The following KIF20B variants were observed in gnomAD, a reference collection of about 807,000 sequenced individuals.
The protein encoded by KIF20B is kinesin-like protein KIF20B.
A neutral mutation model predicts 232.5 loss-of-function variants in KIF20B; 188 were observed. The observed-to-expected ratio is 0.81, with a 90% CI of 0.72 to 0.91. The LOEUF (loss-of-function observed/expected upper bound fraction) is 0.91, where lower values mean the gene tolerates loss of function less well. Ranked by LOEUF, KIF20B falls within the 40% of genes least tolerant of loss-of-function variation. The pLI, the probability that KIF20B is intolerant of heterozygous loss-of-function variation, is 0.00. For synonymous variants in KIF20B, 712 were observed against 683.0 expected (o/e 1.04, Z -0.66); for missense variants, 2,154 against 2,055.9 (o/e 1.05, Z -0.92).
intron 24 of KIF20B, 119 bp from the exon 25 acceptor site, chr10:89,752,448 T>G (rs1029962615): frequency 1.6e-6 from 1 of 633,366 alleles, no homozygotes; most frequent in Non-Finnish European, 2.5e-6. Context: ...AGTTCCATCT[T>G]GGTCTGTGTT....
chr10:89,768,973 T>C lies in KIF20B; in HGVS notation c.5242+85T>C. The stretch of plus-strand genomic sequence containing the variant: ...CTAATTGATATATAAACTCAACAGC[T>C]GTTCAGGGAATATTATACTTCAAAT... On this transcript the variant is annotated intron_variant, in intron 31 of 32. Coordinates refer to ENST00000371728, the MANE Select transcript of KIF20B (RefSeq NM_001284259.2). The C allele has an allele frequency of 3.6e-6, 4 of 1,104,084 alleles. No homozygotes were observed. The South Asian group carries it at 6.4e-5, about 18-fold the overall frequency. 68.4% of individuals were successfully genotyped at this position (1,104,084 alleles called of 1,614,324 possible).
intron 5 of KIF20B, among the ~76,000 whole-genome samples, 165 bp downstream of exon 5, chr10:89,710,230 T>TTTG (rs1842809417): frequency 6.9e-6 from 1 of 144,606 alleles, no homozygotes; most frequent in Non-Finnish European, 1.6e-5. Flanking sequence ...TTTTTTTTTT[T>TTTG]GGCGGGGGAG....
Position 89,768,734 on chromosome 10 carries a change from T to A in KIF20B, c.5092-4T>A. ...ACAATAACAAAAAATGTTTTGTTTA[T>A]TAGGTTGCCATACGTCCATCATCTA... On this transcript the variant is annotated splice_polypyrimidine_tract_variant and splice_region_variant and intron_variant, in intron 30 of 32. Coordinates refer to ENST00000371728, the MANE Select transcript of KIF20B (RefSeq NM_001284259.2). The A allele has an allele frequency of 6.3e-7, 1 of 1,579,924 alleles. No individual in the cohort carries two copies. Among genetic ancestry groups the A allele is most frequent in the East Asian group, 2.2e-5 (1 of 44,530 alleles).
At chr10:89,730,972 G>GGTA (rs199712028) in intron 18 of KIF20B, among the ~76,000 whole-genome samples, 7 of 152,078 alleles carry the variant, frequency 4.6e-5, no homozygotes, top group Non-Finnish European at 1.5e-5. Flanking sequence ...TTCGATTTAC[G>GGTA]GTAGTAGTAG....
At chr10:89,719,830 AT>A (rs1030609564) in intron 13 of KIF20B, 124 bp downstream of exon 13, 1 of 715,130 alleles carries the variant, frequency 1.4e-6, no homozygotes, top group African/African-American at 1.8e-5. Context: ...TCAACTTTAT[AT>A]TTTGAAAAAT....
intron 19 of KIF20B, 32 bp from the exon 20 acceptor site, chr10:89,737,355 C>T (rs1841679945): frequency 2.1e-6 from 3 of 1,430,334 alleles, no homozygotes; most frequent in Non-Finnish European, 9.2e-7. Context: ...TTAAGGTTTG[C>T]CAGATTAATA....
chr10:89,717,650 C>G lies in KIF20B; in HGVS notation c.1199C>G (p.Thr400Ser). 1.2e-6 allele frequency: 2 copies of G among 1,609,348 alleles called. No homozygotes were observed. The highest frequency in any genetic ancestry group is 1.7e-6 in the Non-Finnish European group (2 of 1,176,366). ...TQNEGERLRETGNINTSLLTL... is the reference protein window; with the variant it reads ...TQNEGERLRESGNINTSLLTL... ...AATGAAGGTGAAAGGTTAAGAGAGA[C>G]TGGGAATATCAACACTTCTTTATTG... is the stretch of plus-strand genomic sequence containing the variant. The change falls in exon 11 of 33, where the codon ACT becomes AGT. Residue 400 changes from threonine (T) to serine (S), a missense_variant. By Grantham distance (58) the Thr-to-Ser change is moderately conservative (BLOSUM62 1). Coordinates refer to ENST00000371728, the MANE Select transcript of KIF20B (RefSeq NM_001284259.2).
At chr10:89,769,143 G>A (rs1306657244) in intron 31 of KIF20B, among the ~76,000 whole-genome samples, 1 of 151,944 alleles carries the variant, frequency 6.6e-6, no homozygotes, top group Non-Finnish European at 1.5e-5. Flanking sequence ...AGGGGTATAA[G>A]CAAAGGTATG....
chr10:89,715,215 T>C (rs369817918), intron 8 of KIF20B, 33 bp downstream of exon 8: 1 of 1,359,436 alleles, frequency 7.4e-7, no homozygotes, highest in African/African-American at 1.5e-5. Flanking sequence ...CTTATTGCTC[T>C]GAAGTTCTCT....
At chr10:89,735,654 C>T (rs2133123837) in intron 19 of KIF20B, among the ~76,000 whole-genome samples, 2 of 150,188 alleles carry the variant, frequency 1.3e-5, no homozygotes, top group Middle Eastern at 3.4e-3. Flanking sequence ...TCTCCTGGCT[C>T]AGCCTCCCGA....
chr10:89,730,383 T>C (rs1486038713), intron 18 of KIF20B, among the ~76,000 whole-genome samples: 1 of 152,184 alleles, frequency 6.6e-6, no homozygotes, highest in African/African-American at 2.4e-5. Flanking sequence ...TAATAAAATC[T>C]ACTACCCTAA....
chr10:89,727,313 G>A (rs1317681601), intron 16 of KIF20B, among the ~76,000 whole-genome samples: 9 of 151,090 alleles, frequency 6.0e-5, no homozygotes, highest in Non-Finnish European at 7.4e-5. Flanking sequence ...GAGCGCAGAG[G>A]CATGATCATG....
chr10:89,720,808 C>T (rs12268754), intron 13 of KIF20B, among the ~76,000 whole-genome samples: 5,407 of 152,160 alleles, frequency 0.036, 317 homozygotes, highest in African/African-American at 0.12. Context: ...TGGGTTCAAG[C>T]GATTCTCCTG....
rs1384741968 is a variant in KIF20B, at chr10:89,737,859, G to C, written c.3018G>C (p.Leu1006Phe). ...TTTCTCAGATTTCAAACATAGATTTGCTCAATCTCAGGGATCTGTCAAATG... is the reference window on the plus strand; with the variant it reads ...TTTCTCAGATTTCAAACATAGATTTCCTCAATCTCAGGGATCTGTCAAATG... ...DSVSQISNID[L>F]LNLRDLSNGS... The change falls in exon 20 of 33, where the codon TTG becomes TTC. Residue 1006 changes from leucine to phenylalanine, a missense_variant. By Grantham distance (22) the Leu-to-Phe change is conservative. Transcript: ENST00000371728. The C allele has an allele frequency of 2.5e-6, 4 of 1,613,412 alleles. No homozygotes were observed. Among genetic ancestry groups the C allele is most frequent in the Middle Eastern group, 3.3e-4 (2 of 6,056 alleles).
At chr10:89,757,694 T>C (rs1842157014) in intron 26 of KIF20B, among the ~76,000 whole-genome samples, 1 of 152,034 alleles carries the variant, frequency 6.6e-6, no homozygotes, top group Non-Finnish European at 1.5e-5. Flanking sequence ...TCTTGATGTT[T>C]GTTTTAATGT....
intron 1 of KIF20B, among the ~76,000 whole-genome samples, chr10:89,704,191 C>A (rs1465667267): frequency 1.3e-5 from 2 of 152,190 alleles, no homozygotes; most frequent in East Asian, 3.9e-4. Context: ...TTATATAATA[C>A]CTGTGGGTGA....
intron 29 of KIF20B, among the ~76,000 whole-genome samples, chr10:89,763,473 A>G (rs977594042): frequency 1.1e-4 from 16 of 152,210 alleles, no homozygotes; most frequent in African/African-American, 3.6e-4. Context: ...AAAGAGGGTT[A>G]TGTAGAAATC....
chr10:89,746,008 C>T (rs372157068), intron 23 of KIF20B, 49 bp downstream of exon 23: 2 of 1,368,404 alleles, frequency 1.5e-6, no homozygotes, highest in African/African-American at 2.9e-5. Flanking sequence ...CTCTTATTCC[C>T]CTCGCAGGGC....
chr10:89,706,124 T>C (rs1318773096), intron 2 of KIF20B, among the ~76,000 whole-genome samples: 1 of 152,200 alleles, frequency 6.6e-6, no homozygotes, highest in Non-Finnish European at 1.5e-5. Context: ...TGGCAATGTA[T>C]GTAGGTTCCA....
Sources: allele counts gnomAD v4.1 joint callset (sites outside exome capture counted in the v4.1 genomes callset), GRCh38; gene constraint gnomAD v4.1.1; transcripts MANE v1.5; gene names NCBI Gene and HGNC (gene_info 2026-07-23, HGNC 2026-07-21).